PARP8: variants seen among roughly 807,000 people sequenced by gnomAD.
The protein encoded by PARP8 is protein mono-ADP-ribosyltransferase PARP8.
Under a neutral mutation model 124.1 loss-of-function variants are expected in PARP8, and 51 were observed. The ratio of observed to expected loss-of-function variants is 0.41; its 90% CI spans 0.33 to 0.52. PARP8 has a LOEUF of 0.52. Ranked by LOEUF, PARP8 falls within the 20% of genes least tolerant of loss-of-function variation. The pLI is 0.21. For synonymous variants in PARP8, 391 were observed against 361.5 expected (o/e 1.08, Z -0.93); for missense variants, 860 against 1,018.9 (o/e 0.84, Z 2.12).
intron 3 of PARP8, among the ~76,000 whole-genome samples, chr5:50,755,900 C>T (rs1759888030): frequency 6.6e-6 from 1 of 152,064 alleles, no homozygotes; most frequent in Non-Finnish European, 1.5e-5. Flanking sequence ...CCTTCACATC[C>T]CTTGTAAGTT....
At position 50,700,787 on chromosome 5, in the gene PARP8, A is replaced by C. The variant is rs143156041; in HGVS notation, c.146+32662A>C. Among the ~76,000 whole-genome samples, 520 of 152,298 alleles carry C rather than the reference A, an allele frequency of 3.4e-3. 4 individuals are homozygous for C. Among genetic ancestry groups the C allele is most frequent in the Non-Finnish European group, 5.6e-3 (382 of 68,006 alleles). Reference sequence around the variant, plus strand: ...CCTGCGAATACAATGTTAATGTAGTAATGCTAACTCAGCTACTCTTTCATA... The same window carrying C: ...CCTGCGAATACAATGTTAATGTAGTCATGCTAACTCAGCTACTCTTTCATA... On this transcript the variant is annotated intron_variant, in intron 2 of 25. Coordinates refer to ENST00000281631, the MANE Select transcript of PARP8 (RefSeq NM_024615.4).
At chr5:50,723,614 T>C (rs1205512038) in intron 2 of PARP8, among the ~76,000 whole-genome samples, 1 of 152,044 alleles carries the variant, frequency 6.6e-6, no homozygotes, top group Non-Finnish European at 1.5e-5. Flanking sequence ...TAGATAAACC[T>C]CTTAACCTCT....
rs749087277 is a variant in PARP8 at position 50,795,015 on chromosome 5, C to G, written c.1026C>G (p.Arg342=). ...CVTKSHRTFG[R]SLSSDPRAEQ... is the part of the protein sequence containing the mutation. The stretch of plus-strand genomic sequence containing the variant: ...CAAAGTCACACAGGACCTTTGGCCG[C>G]TCCTTGTCCAGCGATCCCAGGGCGG... Residue 342 remains arginine, a synonymous_variant, in exon 12 of 26, where the codon CGC becomes CGG. Transcript: ENST00000281631. 1 of 1,614,198 alleles carries G rather than the reference C, an allele frequency of 6.2e-7. No individual in the cohort carries two copies.
At chr5:50,753,195 T>C (rs1759452928) in intron 3 of PARP8, among the ~76,000 whole-genome samples, 1 of 152,044 alleles carries the variant, frequency 6.6e-6, no homozygotes, top group Non-Finnish European at 1.5e-5. Flanking sequence ...AGGTTGGCTC[T>C]ACTATAATGG....
chr5:50,829,858 G>A (rs1746750877), intron 21 of PARP8, 34 bp from the exon 22 acceptor site: 2 of 1,555,372 alleles, frequency 1.3e-6, no homozygotes, highest in Non-Finnish European at 8.7e-7. Flanking sequence ...ACCATGAACA[G>A]ACCTCTCTCT....
intron 14 of PARP8, among the ~76,000 whole-genome samples, chr5:50,811,371 T>A (rs1744417801): frequency 6.6e-6 from 1 of 151,964 alleles, no homozygotes; most frequent in African/African-American, 2.4e-5. Flanking sequence ...TTATTCGTGA[T>A]AGGAAATAGA....
At chr5:50,755,809 A>G (rs1053466683) in intron 3 of PARP8, among the ~76,000 whole-genome samples, 3 of 152,196 alleles carry the variant, frequency 2.0e-5, no homozygotes, top group Non-Finnish European at 4.4e-5. Flanking sequence ...CTTCCTATCC[A>G]TGAGCATGGA....
intron 2 of PARP8, among the ~76,000 whole-genome samples, chr5:50,672,444 G>A (rs532444030): frequency 6.6e-6 from 1 of 152,326 alleles, no homozygotes; most frequent in South Asian, 2.1e-4. Flanking sequence ...CAGATGTGGA[G>A]AAGATACTCA....
intron 10 of PARP8, among the ~76,000 whole-genome samples, chr5:50,791,877 A>G (rs185863939): frequency 6.6e-6 from 1 of 152,318 alleles, no homozygotes; most frequent in Admixed American, 6.5e-5. Flanking sequence ...GCGAATCAAA[A>G]TAAAATACTT....
rs1317772801 is a variant in PARP8, at chr5:50,819,445, T to C, written c.1669-1768T>C. 9.0e-5 allele frequency among the ~76,000 whole-genome samples: 12 copies of C among 133,782 alleles called. No homozygotes were observed. The East Asian group carries it at 2.5e-3, about 28-fold the overall frequency. 87.8% of individuals were successfully genotyped at this position (133,782 alleles called of 152,430 possible). A position where few individuals can be genotyped will look rare whatever the true frequency, so the allele number is the denominator to read the frequency against. On this transcript the variant is annotated intron_variant, in intron 15 of 25. Coordinates refer to ENST00000281631, the MANE Select transcript of PARP8 (RefSeq NM_024615.4). ...TTATCTTCTTTTTTTTTTTTTTTTT[T>C]TTTTTTTTTTTTGAGACGGAGTTTT... is the stretch of plus-strand genomic sequence containing the variant.
chr5:50,699,281 G>T (rs1378242087), intron 2 of PARP8, among the ~76,000 whole-genome samples: 1 of 152,196 alleles, frequency 6.6e-6, no homozygotes, highest in East Asian at 1.9e-4. Flanking sequence ...ATGGAAAGGA[G>T]CACTGGGTTC....
intron 2 of PARP8, among the ~76,000 whole-genome samples, chr5:50,692,373 A>G (rs1365085465): frequency 6.6e-6 from 1 of 152,114 alleles, no homozygotes; most frequent in African/African-American, 2.4e-5. Context: ...TCTCAAAATT[A>G]AACATCTCCT....
At chr5:50,759,531 C>A in intron 3 of PARP8, 112 bp from the exon 4 acceptor site, 1 of 1,202,474 alleles carries the variant, frequency 8.3e-7, no homozygotes. Flanking sequence ...GTAGTGTATG[C>A]TTTATGAGAG....
At chr5:50,680,026 A>G (rs1436905503) in intron 2 of PARP8, among the ~76,000 whole-genome samples, 5 of 152,220 alleles carry the variant, frequency 3.3e-5, no homozygotes. Flanking sequence ...ACAACTTTAT[A>G]CATACAGCCT....
At chr5:50,826,730 G>T in intron 18 of PARP8, 25 bp from the exon 19 acceptor site, 1 of 1,565,396 alleles carries the variant, frequency 6.4e-7, no homozygotes, top group South Asian at 1.2e-5. Flanking sequence ...ATGTATTTGT[G>T]ACTAATGGAT....
chr5:50,748,950 A>C (rs1040622548), intron 2 of PARP8, among the ~76,000 whole-genome samples: 1 of 152,148 alleles, frequency 6.6e-6, no homozygotes, highest in African/African-American at 2.4e-5. Flanking sequence ...CTAAAACTCT[A>C]ATATACAAAT....
At chr5:50,793,007 C>T (rs187494061) in intron 10 of PARP8, among the ~76,000 whole-genome samples, 3 of 152,196 alleles carry the variant, frequency 2.0e-5, no homozygotes, top group Non-Finnish European at 4.4e-5. Context: ...CATATCAAAA[C>T]CCATATTTGA....
intron 2 of PARP8, among the ~76,000 whole-genome samples, chr5:50,691,455 G>T (rs1021671717): frequency 7.9e-5 from 12 of 152,092 alleles, no homozygotes; most frequent in Non-Finnish European, 1.2e-4. Flanking sequence ...TGAAATCCTG[G>T]TTTTTGCCTC....
intron 1 of PARP8, chr5:50,667,736 G>A (rs974189816): frequency 2.8e-6 from 2 of 704,792 alleles, no homozygotes; most frequent in South Asian, 1.5e-5. Flanking sequence ...CAGCGCCCCT[G>A]CCTGGGGGTC....
Sources: allele counts gnomAD v4.1 joint callset (sites outside exome capture counted in the v4.1 genomes callset), GRCh38; gene constraint gnomAD v4.1.1; transcripts MANE v1.5; gene names NCBI Gene and HGNC (gene_info 2026-07-23, HGNC 2026-07-21).